The following MTMR7 variants were observed in gnomAD, a reference collection of about 807,000 sequenced individuals.
The protein encoded by MTMR7 is myotubularin related protein 7.
Under a neutral mutation model 81.2 loss-of-function variants are expected in MTMR7, and 76 were observed. The ratio of observed to expected loss-of-function variants is 0.94; its 90% confidence interval spans 0.78 to 1.13. The LOEUF is 1.13. Ranked by LOEUF, MTMR7 falls within the 50% of genes most tolerant of loss-of-function variation. The pLI, the probability that MTMR7 is intolerant of heterozygous loss-of-function variation, is 0.00. For missense variants in MTMR7, 1,044 were observed against 820.0 expected (o/e 1.27, Z -3.34); for synonymous variants, 372 against 289.8 (o/e 1.28, Z -2.88).
At chr8:17,361,971 G>A (rs1052813451) in intron 3 of MTMR7, among the ~76,000 whole-genome samples, 2 of 152,024 alleles carry the variant, frequency 1.3e-5, no homozygotes, top group African/African-American at 4.8e-5. Context: ...TTTATATACT[G>A]CCTTTGATGC....
chr8:17,405,108 TC>T (rs1821538861), intron 1 of MTMR7, among the ~76,000 whole-genome samples: 1 of 152,262 alleles, frequency 6.6e-6, no homozygotes, highest in Admixed American at 6.5e-5. Context: ...CGCCTTGGCC[TC>T]CCAAAGTGTT....
chr8:17,353,160 G>C (rs76240330), intron 4 of MTMR7, among the ~76,000 whole-genome samples: 28 of 152,304 alleles, frequency 1.8e-4, no homozygotes, highest in Non-Finnish European at 3.7e-4. Flanking sequence ...GATGAACCTT[G>C]AGGACATTAA....
rs568124462 is a variant in MTMR7 at position 17,392,312 on chromosome 8, G to A, written c.25-19072C>T. Among the ~76,000 whole-genome samples, 163 of 152,240 alleles carry A rather than the reference G, an allele frequency of 1.1e-3. 2 individuals are homozygous for A. Among genetic ancestry groups the A allele is most frequent in the African/African-American group, 3.8e-3 (157 of 41,534 alleles). ...AATAATGTGAGTTCAATAGGGAAAT[G>A]TCAAAATTTACTAATAAATAAATAA... On this transcript the variant is annotated intron_variant, in intron 1 of 13. Transcript: ENST00000180173.
chr8:17,300,239 A>G lies in MTMR7; in HGVS notation c.1621-15T>C. 1 of 1,589,160 alleles carries G rather than the reference A, an allele frequency of 6.3e-7. No homozygotes were observed. On this transcript the variant is annotated splice_polypyrimidine_tract_variant and intron_variant, in intron 13 of 13. Coordinates refer to ENST00000180173, the MANE Select transcript of MTMR7 (RefSeq NM_004686.5). ...TTTTCCAGCCTCTAAGAAAGAAATAACAATTTCAGGGGAAAAATCATAAAT... is the reference window on the plus strand; with the variant it reads ...TTTTCCAGCCTCTAAGAAAGAAATAGCAATTTCAGGGGAAAAATCATAAAT...
rs67618086 is a variant in MTMR7, at chr8:17,399,872, C to CAAA, written c.24+13394_24+13396dup. ...TATACAATGGAGCAAGACTCTGTCT[C>CAAA]AAAAAAAAAAAAACCAAAAAACTGA... On this transcript the variant is annotated intron_variant, in intron 1 of 13. Coordinates refer to ENST00000180173, the MANE Select transcript of MTMR7 (RefSeq NM_004686.5). Among the ~76,000 whole-genome samples, 616 of 141,540 alleles carry CAAA rather than the reference C, an allele frequency of 4.4e-3. 2 individuals carry two copies. Among genetic ancestry groups the CAAA allele is most frequent in the African/African-American group, 0.015 (587 of 38,310 alleles). The allele number at this position is 141,540 out of a possible 152,430, so 92.9% of individuals were successfully genotyped here. A position where few individuals can be genotyped will look rare whatever the true frequency, so the allele number is the denominator to read the frequency against.
intron 6 of MTMR7, among the ~76,000 whole-genome samples, chr8:17,338,172 G>C (rs1229259484): frequency 6.6e-6 from 1 of 152,190 alleles, no homozygotes; most frequent in African/African-American, 2.4e-5. Flanking sequence ...TATGAGAAGA[G>C]GGCATGGCTT....
chr8:17,337,879 G>A lies in MTMR7; in HGVS notation c.732+3484C>T, dbSNP rs1433524697. On this transcript the variant is annotated intron_variant, in intron 6 of 13. Transcript: ENST00000180173. ...ACAAGTAATTCTGAGGCTTTCATCT[G>A]AACAGGCAGCTCTGGAAGTTCTCAT... 2.0e-5 allele frequency among the ~76,000 whole-genome samples: 3 copies of A among 152,162 alleles called. No homozygotes were observed. In the East Asian group the frequency reaches 5.8e-4, roughly 29 times the overall value.
At chr8:17,358,275 C>G (rs1256962808) in intron 4 of MTMR7, among the ~76,000 whole-genome samples, 1 of 152,054 alleles carries the variant, frequency 6.6e-6, no homozygotes, top group Non-Finnish European at 1.5e-5. Context: ...GAAATATAAT[C>G]ATATAAAATA....
At chr8:17,307,794 A>G (rs1442778673) in intron 10 of MTMR7, among the ~76,000 whole-genome samples, 1 of 152,034 alleles carries the variant, frequency 6.6e-6, no homozygotes, top group Non-Finnish European at 1.5e-5. Flanking sequence ...GGACAAAAAA[A>G]CCAAACACCA....
At position 17,297,116 on chromosome 8, in the gene MTMR7, T is replaced by C. The variant is rs372751509; in HGVS notation, c.*2746A>G. The C allele has an allele frequency of 3.3e-5, 5 of 152,034 alleles. No individual in the cohort carries two copies. The highest frequency in any genetic ancestry group is 3.9e-4 in the East Asian group (2 of 5,192). 9.4% of individuals were successfully genotyped at this position (152,034 alleles called of 1,614,324 possible). The stretch of plus-strand genomic sequence containing the variant: ...CGGAGAAGCAGTGCCACAGGAAAAA[T>C]GAAATGCATGTGAAAGTTTGTATTC... On this transcript the variant is annotated 3_prime_UTR_variant, in exon 14 of 14. Coordinates refer to ENST00000180173, the MANE Select transcript of MTMR7 (RefSeq NM_004686.5).
Position 17,403,571 on chromosome 8 carries a change from C to G in MTMR7, c.24+9698G>C, listed in dbSNP as rs1042237566. On this transcript the variant is annotated intron_variant, in intron 1 of 13. Coordinates refer to ENST00000180173, the MANE Select transcript of MTMR7 (RefSeq NM_004686.5). ...TTTGGCTATTCTGGGTCTTTTGTTA[C>G]TCTATGTAACTTTTATGATTTTTTC... Among the ~76,000 whole-genome samples the G allele has an allele frequency of 9.2e-5, 14 of 152,216 alleles. 1 individual carries two copies. The highest frequency in any genetic ancestry group is 3.1e-4 in the African/African-American group (13 of 41,542).
At chr8:17,384,138 T>C (rs1820852959) in intron 1 of MTMR7, among the ~76,000 whole-genome samples, 1 of 152,264 alleles carries the variant, frequency 6.6e-6, no homozygotes, top group East Asian at 1.9e-4. Context: ...TGGCTGGGCA[T>C]AGTGGCTCAT....
chr8:17,354,715 G>C (rs1413232290), intron 4 of MTMR7, among the ~76,000 whole-genome samples: 2 of 152,148 alleles, frequency 1.3e-5, no homozygotes, highest in African/African-American at 4.8e-5. Flanking sequence ...TGTCAAACAA[G>C]AGAGGAAAAA....
intron 3 of MTMR7, among the ~76,000 whole-genome samples, chr8:17,365,408 A>G (rs890665914): frequency 7.2e-5 from 11 of 152,176 alleles, no homozygotes; most frequent in African/African-American, 2.7e-4. Flanking sequence ...TTTAATATTT[A>G]CAGAATCTGA....
intron 7 of MTMR7, among the ~76,000 whole-genome samples, chr8:17,317,827 A>G (rs2150501861): frequency 1.3e-5 from 2 of 152,174 alleles, no homozygotes; most frequent in Middle Eastern, 3.4e-3. Context: ...GGCATTACTT[A>G]TCACTCATCC....
chr8:17,361,474 C>T (rs1304236861), intron 3 of MTMR7, among the ~76,000 whole-genome samples, 200 bp from the exon 4 acceptor site: 2 of 152,170 alleles, frequency 1.3e-5, no homozygotes, highest in African/African-American at 4.8e-5. Context: ...CCTTGGGGTA[C>T]CTGAACTCAA....
intron 10 of MTMR7, among the ~76,000 whole-genome samples, chr8:17,306,163 T>G (rs1448011327): frequency 6.6e-6 from 1 of 152,154 alleles, no homozygotes; most frequent in Non-Finnish European, 1.5e-5. Flanking sequence ...ATAGAAGGGA[T>G]GCGTTCACGT....
intron 9 of MTMR7, 24 bp from the exon 10 acceptor site, chr8:17,309,350 T>C (rs775666196): frequency 1.3e-6 from 2 of 1,512,300 alleles, no homozygotes; most frequent in South Asian, 1.1e-5. Context: ...AATACAAATA[T>C]CTTGGAGAGA....
chr8:17,376,718 T>C (rs1039942001), intron 1 of MTMR7, among the ~76,000 whole-genome samples: 6 of 152,206 alleles, frequency 3.9e-5, no homozygotes, highest in Non-Finnish European at 8.8e-5. Context: ...CCATTTTTAA[T>C]GGAACACTTA....
Sources: gnomAD v4.1 joint callset for allele counts (sites outside exome capture counted in the v4.1 genomes callset) on GRCh38, gnomAD v4.1.1 for gene constraint, MANE v1.5 for transcripts, NCBI Gene and HGNC (gene_info 2026-07-23, HGNC 2026-07-21) for gene names.